Variants in IL7 observed in about 807,000 individuals in gnomAD.
The protein encoded by IL7 is interleukin-7.
Under a neutral mutation model 21.6 loss-of-function variants are expected in IL7, and 3 were observed. The observed-to-expected ratio is 0.14, with a 90% confidence interval of 0.06 to 0.36. The LOEUF is 0.36. Among genes scored for constraint, IL7 ranks in the 10% least tolerant of loss-of-function variants. The pLI is 1.00. For missense variants in IL7, 175 were observed against 200.2 expected (o/e 0.87, Z 0.76); for synonymous variants, 62 against 68.1 (o/e 0.91, Z 0.44).
intron 3 of IL7, among the ~76,000 whole-genome samples, chr8:78,707,555 G>T (rs1810812618): frequency 6.6e-6 from 1 of 152,196 alleles, no homozygotes; most frequent in South Asian, 2.1e-4. Context: ...AACAAGCAGA[G>T]ATTTTGAGTA....
chr8:78,697,375 T>G, intron 3 of IL7: 2 of 1,501,410 alleles, frequency 1.3e-6, no homozygotes, highest in Non-Finnish European at 1.8e-6. Flanking sequence ...CAAAAAGTGA[T>G]GTTGATTAAT....
chr8:78,750,098 G>C (rs763377002), intron 2 of IL7, among the ~76,000 whole-genome samples: 4 of 152,018 alleles, frequency 2.6e-5, no homozygotes, highest in Admixed American at 6.6e-5. Context: ...CTAAACTCAA[G>C]GGTGACTATT....
downstream of IL7, among the ~76,000 whole-genome samples, chr8:78,716,775 G>GGA (rs1811119479): frequency 6.6e-6 from 1 of 152,160 alleles, no homozygotes; most frequent in Non-Finnish European, 1.5e-5. Context: ...CAACGTTAGA[G>GGA]GAGGGGCCTG....
At chr8:78,712,018 C>A (rs756642014) in intron 3 of IL7, 96 of 1,289,470 alleles carry the variant, frequency 7.4e-5, no homozygotes, top group Non-Finnish European at 9.4e-5. Context: ...CCCTCCACTT[C>A]GAACGGGAAG....
At chr8:78,736,411 A>G in intron 5 of IL7, 63 bp downstream of exon 5, 1 of 959,360 alleles carries the variant, frequency 1.0e-6, no homozygotes, top group Non-Finnish European at 1.6e-6. Context: ...AAAATGAAAA[A>G]TTAGGAATTA....
At chr8:78,798,940 TTCTA>T (rs1813959631) in intron 1 of IL7, among the ~76,000 whole-genome samples, 1 of 152,094 alleles carries the variant, frequency 6.6e-6, no homozygotes, top group Non-Finnish European at 1.5e-5. Flanking sequence ...AACCAATGAT[TTCTA>T]TCTGTTTTTG....
intron 2 of IL7, among the ~76,000 whole-genome samples, chr8:78,767,687 C>T (rs1391579827): frequency 6.6e-6 from 1 of 152,018 alleles, no homozygotes; most frequent in Non-Finnish European, 1.5e-5. Flanking sequence ...CCAAATACTG[C>T]AGCATTTAAT....
intron 3 of IL7, among the ~76,000 whole-genome samples, chr8:78,722,695 C>T (rs1262462676): frequency 6.6e-6 from 1 of 151,842 alleles, no homozygotes; most frequent in African/African-American, 2.4e-5. Context: ...GATGCCATAT[C>T]AAAGATGTTC....
downstream of IL7, among the ~76,000 whole-genome samples, chr8:78,714,076 A>T (rs562335954): frequency 1.4e-3 from 212 of 152,218 alleles, 1 homozygote; most frequent in African/African-American, 4.7e-3. Context: ...ATCTGGAGGT[A>T]TTTTTTAAAG....
intron 2 of IL7, among the ~76,000 whole-genome samples, chr8:78,745,001 C>G (rs952391950): frequency 6.6e-6 from 1 of 152,146 alleles, no homozygotes; most frequent in African/African-American, 2.4e-5. Flanking sequence ...CTTGATTAGT[C>G]CCAGTGCGAG....
At chr8:78,740,135 T>C in intron 2 of IL7, 53 bp from the exon 3 acceptor site, 2 of 1,020,142 alleles carry the variant, frequency 2.0e-6, no homozygotes, top group Admixed American at 3.2e-5. Context: ...TTTTCTAATA[T>C]CTTGTAATTA....
intron 2 of IL7, chr8:78,761,351 C>T (rs1423998610): frequency 1.2e-6 from 2 of 1,611,822 alleles, no homozygotes; most frequent in African/African-American, 1.3e-5. Flanking sequence ...ACAGAAAGAG[C>T]AGAGTGTGTA....
intron 3 of IL7, among the ~76,000 whole-genome samples, chr8:78,704,672 A>G (rs1266449445): frequency 6.6e-6 from 1 of 152,200 alleles, no homozygotes; most frequent in Non-Finnish European, 1.5e-5. Context: ...GTTCTCATGG[A>G]TGACATCCTG....
chr8:78,761,839 A>C, intron 2 of IL7: 20 of 1,612,028 alleles, frequency 1.2e-5, no homozygotes, highest in Non-Finnish European at 1.6e-5. Flanking sequence ...TATCTGGAGT[A>C]AAGAGACCTT....
At chr8:78,743,783 C>T (rs973965718) in intron 2 of IL7, among the ~76,000 whole-genome samples, 2 of 152,056 alleles carry the variant, frequency 1.3e-5, no homozygotes, top group African/African-American at 4.8e-5. Flanking sequence ...CTTCAATGTT[C>T]GACGTTGCCT....
chr8:78,719,867 C>A (rs1408727063), intron 5 of IL7: 1 of 151,658 alleles, frequency 6.6e-6, no homozygotes, highest in African/African-American at 2.4e-5. Flanking sequence ...CAGATTTTTA[C>A]AAATAAAAAG....
intron 3 of IL7, among the ~76,000 whole-genome samples, chr8:78,691,690 G>A (rs1437198982): frequency 2.6e-5 from 4 of 151,022 alleles, no homozygotes; most frequent in South Asian, 2.1e-4. Context: ...TTTCTTTTTT[G>A]GCTTTCTAGC....
intron 6 of IL7, chr8:78,718,563 T>C (rs887355757): frequency 6.6e-5 from 10 of 152,046 alleles, no homozygotes; most frequent in East Asian, 3.9e-4. Context: ...ATTTTCCTAC[T>C]CTTTTTTTCA....
In IL7 at chr8:78,804,786, C is replaced by T. The variant is rs1053188322; in HGVS notation, c.10+127G>A. The T allele has an allele frequency of 3.8e-6, 4 of 1,048,792 alleles. No homozygotes were observed. In the African/African-American group the frequency reaches 4.8e-5, roughly 12 times the overall value. The allele number at this position is 1,048,792 out of a possible 1,614,324, so 65.0% of individuals were successfully genotyped here. A position where few individuals can be genotyped will look rare whatever the true frequency, so the allele number is the denominator to read the frequency against. ...CTGCCCATGGGAGAGCCAGTGCTCTCCGCAGGTCCAAAGTGCAAGGCCGGG... is the reference window on the plus strand; with the variant it reads ...CTGCCCATGGGAGAGCCAGTGCTCTTCGCAGGTCCAAAGTGCAAGGCCGGG... On this transcript the variant is annotated intron_variant, in intron 1 of 5. Coordinates refer to ENST00000263851, the MANE Select transcript of IL7 (RefSeq NM_000880.4).
Sources: gnomAD v4.1 joint callset for allele counts (sites outside exome capture counted in the v4.1 genomes callset) on GRCh38, gnomAD v4.1.1 for gene constraint, MANE v1.5 for transcripts, NCBI Gene and HGNC (gene_info 2026-07-23, HGNC 2026-07-21) for gene names.